Variants in HOOK1 observed in about 807,000 individuals in gnomAD.
The protein encoded by HOOK1 is hook microtubule tethering protein 1, also known as protein Hook homolog 1.
In HOOK1, 60 loss-of-function variants were observed where a neutral mutation model predicts 112.8. The ratio of observed to expected loss-of-function variants is 0.53; its 90% CI spans 0.43 to 0.66. The LOEUF is 0.66. Among genes scored for constraint, HOOK1 ranks in the 30% least tolerant of loss-of-function variants. The pLI, the probability that HOOK1 is intolerant of heterozygous loss-of-function variation, is 0.00. For missense variants in HOOK1, 770 were observed against 856.0 expected (o/e 0.90, Z 1.25); for synonymous variants, 294 against 283.8 (o/e 1.04, Z -0.36).
intron 15 of HOOK1, among the ~76,000 whole-genome samples, chr1:59,861,896 T>C (rs1282566384): frequency 6.6e-6 from 1 of 152,202 alleles, no homozygotes; most frequent in African/African-American, 2.4e-5. Context: ...AAAAGAAGAA[T>C]AACAATTTAG....
intron 12 of HOOK1, among the ~76,000 whole-genome samples, chr1:59,856,723 T>C (rs2098410956): frequency 6.6e-6 from 1 of 152,134 alleles, no homozygotes; most frequent in Non-Finnish European, 1.5e-5. Context: ...TAGTTCATGA[T>C]TGGTCAGAGA....
intron 2 of HOOK1, among the ~76,000 whole-genome samples, chr1:59,826,447 G>A (rs1297350935): frequency 6.6e-6 from 1 of 152,070 alleles, no homozygotes; most frequent in Non-Finnish European, 1.5e-5. Flanking sequence ...GTGAATTTGT[G>A]TATAAGAAAG....
intron 6 of HOOK1, among the ~76,000 whole-genome samples, chr1:59,835,695 A>G (rs1387935941): frequency 6.6e-6 from 1 of 152,130 alleles, no homozygotes; most frequent in African/African-American, 2.4e-5. Flanking sequence ...AGTTTTGTGG[A>G]AGACAATTTT....
chr1:59,857,510 C>T (rs544139253), intron 12 of HOOK1, among the ~76,000 whole-genome samples: 6 of 152,240 alleles, frequency 3.9e-5, no homozygotes, highest in South Asian at 2.1e-4. Context: ...GTGTGCATTA[C>T]GTTAATGGAG....
intron 17 of HOOK1, 122 bp downstream of exon 17, chr1:59,864,788 C>A: frequency 1.5e-6 from 1 of 670,870 alleles, no homozygotes; most frequent in Non-Finnish European, 2.6e-6. Context: ...ATTGATACAC[C>A]TGCTGCAAAA....
At chr1:59,828,147 A>C (rs1449214470) in intron 2 of HOOK1, among the ~76,000 whole-genome samples, 1 of 152,224 alleles carries the variant, frequency 6.6e-6, no homozygotes, top group Non-Finnish European at 1.5e-5. Context: ...CACTATATAT[A>C]GTCAAATGTT....
intron 3 of HOOK1, among the ~76,000 whole-genome samples, chr1:59,831,431 G>A (rs1032106398): frequency 6.6e-6 from 1 of 152,102 alleles, no homozygotes; most frequent in Non-Finnish European, 1.5e-5. Flanking sequence ...CTTTGGGAAT[G>A]GTTCAGTTTA....
intron 11 of HOOK1, 33 bp from the exon 12 acceptor site, chr1:59,849,040 A>G: frequency 7.3e-7 from 1 of 1,368,840 alleles, no homozygotes; most frequent in South Asian, 1.2e-5. Flanking sequence ...ATATACTTTT[A>G]AGGACCTTTT....
At chr1:59,851,476 T>C (rs2098407118) in intron 12 of HOOK1, among the ~76,000 whole-genome samples, 1 of 151,624 alleles carries the variant, frequency 6.6e-6, no homozygotes, top group African/African-American at 2.4e-5. Context: ...TAACTGCTAA[T>C]ATGTAGAAAT....
chr1:59,860,177 T>C lies in HOOK1; in HGVS notation c.1392-11T>C, dbSNP rs1476083006. On this transcript the variant is annotated splice_polypyrimidine_tract_variant and intron_variant, in intron 14 of 21. Transcript: ENST00000371208. ...TTAAAAATTAAAAAAGATTTTGCTT[T>C]GTAACATCAGGGAGGTGTTTATTCG... 1.3e-6 allele frequency: 2 copies of C among 1,555,276 alleles called. No homozygotes were observed. Among genetic ancestry groups the C allele is most frequent in the Non-Finnish European group, 1.7e-6 (2 of 1,156,628 alleles).
chr1:59,830,597 T>G (rs145382446), intron 3 of HOOK1, among the ~76,000 whole-genome samples: 1 of 152,164 alleles, frequency 6.6e-6, no homozygotes, highest in Non-Finnish European at 1.5e-5. Context: ...GTGTTTCATG[T>G]AGACACCTAA....
chr1:59,842,702 A>G (rs1218479693), intron 8 of HOOK1, among the ~76,000 whole-genome samples: 2 of 152,164 alleles, frequency 1.3e-5, no homozygotes, highest in Non-Finnish European at 2.9e-5. Flanking sequence ...ATTCTTAATC[A>G]TATGTAAAAG....
rs535764662 is a variant in HOOK1, at chr1:59,860,146, A to T, written c.1392-42A>T. ...TTTTAACTAAAGAATATAATGACTC[A>T]TATTTTTAAAAATTAAAAAAGATTT... On this transcript the variant is annotated intron_variant, in intron 14 of 21. Coordinates refer to ENST00000371208, the MANE Select transcript of HOOK1 (RefSeq NM_015888.6). 3 of 1,488,094 alleles carry T rather than the reference A, an allele frequency of 2.0e-6. No individual in the cohort carries two copies. In the Admixed American group the frequency reaches 6.8e-5, roughly 34 times the overall value. The allele number at this position is 1,488,094 out of a possible 1,614,324, so 92.2% of individuals were successfully genotyped here. A position where few individuals can be genotyped will look rare whatever the true frequency, so the allele number is the denominator to read the frequency against.
intron 3 of HOOK1, among the ~76,000 whole-genome samples, chr1:59,830,780 T>G (rs930640369): frequency 6.6e-6 from 1 of 152,166 alleles, no homozygotes; most frequent in Non-Finnish European, 1.5e-5. Flanking sequence ...CCATGTGTAT[T>G]GACTGAGTTT....
At chr1:59,818,814 G>A (rs929406606) in intron 1 of HOOK1, among the ~76,000 whole-genome samples, 1 of 151,900 alleles carries the variant, frequency 6.6e-6, no homozygotes, top group Non-Finnish European at 1.5e-5. Flanking sequence ...TTTTTGTAAT[G>A]AGCAGCTGGA....
At chr1:59,843,387 TG>T (rs749032593) in intron 8 of HOOK1, 44 bp from the exon 9 acceptor site, 6 of 1,410,114 alleles carry the variant, frequency 4.3e-6, no homozygotes, top group East Asian at 2.3e-5. Context: ...TTTATTTTTT[TG>T]TTTTTTTTCT....
At chr1:59,841,585 T>C (rs1453849293) in intron 8 of HOOK1, among the ~76,000 whole-genome samples, 1 of 152,102 alleles carries the variant, frequency 6.6e-6, no homozygotes, top group African/African-American at 2.4e-5. Flanking sequence ...CTTTCCTAAC[T>C]ACATATTGTA....
intron 16 of HOOK1, among the ~76,000 whole-genome samples, chr1:59,863,360 T>A (rs2098414607): frequency 6.6e-6 from 1 of 152,144 alleles, no homozygotes; most frequent in African/African-American, 2.4e-5. Flanking sequence ...ATTATACCCG[T>A]CTCTGAAGGA....
chr1:59,821,101 A>G (rs947261310), intron 1 of HOOK1, among the ~76,000 whole-genome samples: 5 of 152,234 alleles, frequency 3.3e-5, no homozygotes, highest in Non-Finnish European at 7.3e-5. Flanking sequence ...AGAGAATCAT[A>G]GTATATTTAA....
Sources: gnomAD v4.1 joint callset for allele counts (sites outside exome capture counted in the v4.1 genomes callset) on GRCh38, gnomAD v4.1.1 for gene constraint, MANE v1.5 for transcripts, NCBI Gene and HGNC (gene_info 2026-07-23, HGNC 2026-07-21) for gene names.